The following PRKCA variants were observed in gnomAD, a reference collection of about 807,000 sequenced individuals.
PRKCA encodes the protein protein kinase C alpha, also known as protein kinase C alpha type.
Under a neutral mutation model 87.0 loss-of-function variants are expected in PRKCA, and 27 were observed. The observed-to-expected ratio is 0.31, with a 90% CI of 0.23 to 0.43. PRKCA has a LOEUF of 0.43. Among genes scored for constraint, PRKCA ranks in the 20% least tolerant of loss-of-function variants. The probability of loss-of-function intolerance (pLI) is 1.00; values close to 1 mark genes in which losing one functional copy is unlikely to be tolerated. For synonymous variants in PRKCA, 329 were observed against 311.1 expected (o/e 1.06, Z -0.61); for missense variants, 518 against 852.3 (o/e 0.61, Z 4.88).
In PRKCA at chr17:66,372,821, C is replaced by G. The variant is rs567595220; in HGVS notation, c.205+66694C>G. ...CCTGTAATCCCAGTACTTTGGGAAG[C>G]CGAGGCAGGCAGATCACTTGAGGTC... On this transcript the variant is annotated intron_variant, in intron 2 of 16. Transcript: ENST00000413366. Among the ~76,000 whole-genome samples, 184 of 152,274 alleles carry G rather than the reference C, an allele frequency of 1.2e-3. 1 individual carries two copies. Among genetic ancestry groups the G allele is most frequent in the African/African-American group, 4.0e-3 (166 of 41,560 alleles).
chr17:66,401,531 A>C (rs1200835109), intron 2 of PRKCA, among the ~76,000 whole-genome samples: 1 of 152,228 alleles, frequency 6.6e-6, no homozygotes, highest in African/African-American at 2.4e-5. Context: ...CTCATGACGC[A>C]TTCAGTGATG....
chr17:66,559,676 A>G (rs758608859), intron 3 of PRKCA, among the ~76,000 whole-genome samples: 4 of 151,944 alleles, frequency 2.6e-5, no homozygotes, highest in Non-Finnish European at 5.9e-5. Context: ...TTAAGTCCTT[A>G]TAGGATCTAA....
intron 5 of PRKCA, among the ~76,000 whole-genome samples, chr17:66,660,908 TAA>T (rs1971878641): frequency 7.1e-6 from 1 of 140,696 alleles, no homozygotes; most frequent in African/African-American, 2.5e-5. Flanking sequence ...GACGCTGTCT[TAA>T]AAATAAATTA....
intron 2 of PRKCA, among the ~76,000 whole-genome samples, chr17:66,408,927 C>CT (rs886792452): frequency 6.7e-6 from 1 of 149,820 alleles, no homozygotes; most frequent in Non-Finnish European, 1.5e-5. Flanking sequence ...TGGTGTGCGC[C>CT]TGTAATCCCA....
chr17:66,704,011 T>C (rs972709627), intron 8 of PRKCA: 1 of 152,178 alleles, frequency 6.6e-6, no homozygotes, highest in Middle Eastern at 3.2e-3. Context: ...GTGTCTGTGA[T>C]GTAGACATCA....
intron 3 of PRKCA, among the ~76,000 whole-genome samples, chr17:66,506,940 C>T (rs959028549): frequency 6.6e-6 from 1 of 152,138 alleles, no homozygotes; most frequent in Non-Finnish European, 1.5e-5. Flanking sequence ...GTCTGGAGAG[C>T]CTGCTGTAGG....
chr17:66,765,272 G>T (rs147833496), intron 13 of PRKCA, among the ~76,000 whole-genome samples: 1 of 151,234 alleles, frequency 6.6e-6, no homozygotes, highest in Non-Finnish European at 1.5e-5. Flanking sequence ...AATTAGCCAG[G>T]CATAATGATG....
At chr17:66,309,359 C>G (rs1306611622) in intron 2 of PRKCA, among the ~76,000 whole-genome samples, 1 of 152,106 alleles carries the variant, frequency 6.6e-6, no homozygotes, top group African/African-American at 2.4e-5. Flanking sequence ...TTTCTACTTT[C>G]ATTTATGTTG....
At chr17:66,442,361 C>T (rs1012551497) in intron 2 of PRKCA, among the ~76,000 whole-genome samples, 7 of 151,980 alleles carry the variant, frequency 4.6e-5, no homozygotes, top group African/African-American at 1.5e-4. Flanking sequence ...CTGCCTGTAA[C>T]ATCATGATGT....
At chr17:66,441,314 A>G (rs942377704) in intron 2 of PRKCA, among the ~76,000 whole-genome samples, 4 of 151,778 alleles carry the variant, frequency 2.6e-5, no homozygotes, top group African/African-American at 9.7e-5. Context: ...TCTGCATTCC[A>G]GCTTGGACGA....
chr17:66,372,760 T>C (rs1909190599), intron 2 of PRKCA, among the ~76,000 whole-genome samples: 1 of 152,050 alleles, frequency 6.6e-6, no homozygotes, highest in African/African-American at 2.4e-5. Context: ...CTGGCAGCAA[T>C]CTAAAAGGGC....
intron 2 of PRKCA, among the ~76,000 whole-genome samples, chr17:66,437,751 C>T (rs7222756): frequency 0.017 from 146 of 8,368 alleles, 8 homozygotes; most frequent in African/African-American, 0.067. Context: ...GTGGGTGGGG[C>T]GGGGGCGGCT....
chr17:66,321,319 A>G (rs1320799681), intron 2 of PRKCA, among the ~76,000 whole-genome samples: 3 of 152,186 alleles, frequency 2.0e-5, no homozygotes, highest in African/African-American at 7.2e-5. Context: ...TCTTTGAACC[A>G]TATTCAGAAT....
intron 8 of PRKCA, among the ~76,000 whole-genome samples, chr17:66,714,874 C>G (rs1973435909): frequency 2.6e-5 from 4 of 152,196 alleles, no homozygotes; most frequent in Admixed American, 2.6e-4. Flanking sequence ...AACAGTGCAG[C>G]TGCTGCTAGC....
intron 1 of PRKCA, among the ~76,000 whole-genome samples, chr17:66,303,599 T>C (rs1904639876): frequency 6.6e-6 from 1 of 152,010 alleles, no homozygotes; most frequent in Non-Finnish European, 1.5e-5. Flanking sequence ...ACGGAGAGAC[T>C]GACTTTTCTG....
intron 3 of PRKCA, among the ~76,000 whole-genome samples, chr17:66,583,953 G>A (rs1404090429): frequency 6.6e-6 from 1 of 152,146 alleles, no homozygotes; most frequent in African/African-American, 2.4e-5. Flanking sequence ...AAAAGTGCTG[G>A]CGTTTTGTGC....
intron 16 of PRKCA, among the ~76,000 whole-genome samples, chr17:66,799,851 G>A (rs956438736): frequency 6.6e-6 from 1 of 152,068 alleles, no homozygotes; most frequent in Non-Finnish European, 1.5e-5. Flanking sequence ...CTTCTATGGT[G>A]GAAAAGGAGA....
Position 66,583,092 on chromosome 17 carries a change from A to G in PRKCA, c.289-58263A>G, listed in dbSNP as rs564887357. Among the ~76,000 whole-genome samples the G allele has an allele frequency of 2.7e-4, 41 of 152,338 alleles. 1 individual carries two copies. Among genetic ancestry groups the G allele is most frequent in the African/African-American group, 9.6e-4 (40 of 41,584 alleles). On this transcript the variant is annotated intron_variant, in intron 3 of 16. Transcript: ENST00000413366. ...GTGAATTAGTATGTGAGAACATTTC[A>G]AACAGTCCAGGAAGCACTATGTAAA...
intron 3 of PRKCA, among the ~76,000 whole-genome samples, chr17:66,570,971 T>C (rs549568216): frequency 1.6e-4 from 24 of 152,278 alleles, no homozygotes; most frequent in African/African-American, 5.3e-4. Context: ...ACCTCTAAGG[T>C]TGCTGTGAAG....
Sources: gnomAD v4.1 joint callset for allele counts (sites outside exome capture counted in the v4.1 genomes callset) on GRCh38, gnomAD v4.1.1 for gene constraint, MANE v1.5 for transcripts, NCBI Gene and HGNC (gene_info 2026-07-23, HGNC 2026-07-21) for gene names.